Variants in ZFAT observed in about 807,000 individuals in gnomAD.
ZFAT encodes the protein zinc finger protein ZFAT.
Under a neutral mutation model 117.7 loss-of-function variants are expected in ZFAT, and 64 were observed. That is an observed-to-expected ratio of 0.54 (90% CI 0.44 to 0.67). ZFAT has a LOEUF of 0.67. Among genes scored for constraint, ZFAT ranks in the 30% least tolerant of loss-of-function variants. ZFAT has a pLI of 0.00. For missense variants in ZFAT, 1,433 were observed against 1,584.5 expected, an observed-to-expected ratio of 0.90 and a Z score of 1.62; for synonymous variants, 679 against 615.0, an observed-to-expected ratio of 1.10 and a Z score of -1.54.
intron 1 of ZFAT, among the ~76,000 whole-genome samples, chr8:134,705,088 T>G (rs13279958): frequency 0.33 from 49,574 of 152,010 alleles, 8,704 homozygotes; most frequent in South Asian, 0.43. Flanking sequence ...GAGAAAATAT[T>G]CACAACATAC....
chr8:134,764,685 T>C, the ZFAT span: 1 of 152,268 alleles, frequency 6.6e-6, no homozygotes, highest in South Asian at 2.1e-4. Flanking sequence ...TATTCTTGAA[T>C]AAGTCTATTG....
chr8:134,638,575 A>AAAAAAAAT (rs1830389286), intron 2 of ZFAT, among the ~76,000 whole-genome samples: 1 of 136,430 alleles, frequency 7.3e-6, no homozygotes, highest in African/African-American at 2.7e-5. Context: ...CAAAAAAAAA[A>AAAAAAAAT]AACATTAACC....
intron 1 of ZFAT, among the ~76,000 whole-genome samples, chr8:134,688,115 G>C (rs1202320177): frequency 6.6e-6 from 1 of 152,110 alleles, no homozygotes; most frequent in Non-Finnish European, 1.5e-5. Flanking sequence ...CTTGTGGTGG[G>C]GGTGTTATGT....
intron 1 of ZFAT, among the ~76,000 whole-genome samples, chr8:134,692,011 C>T (rs1228209886): frequency 2.0e-5 from 3 of 152,314 alleles, no homozygotes; most frequent in East Asian, 1.9e-4. Flanking sequence ...GCATGCACCA[C>T]CACACCTGGC....
intron 15 of ZFAT, among the ~76,000 whole-genome samples, chr8:134,503,244 A>G (rs138610413): frequency 1.3e-3 from 201 of 152,196 alleles, no homozygotes; most frequent in African/African-American, 4.6e-3. Flanking sequence ...CTCAGCTGTC[A>G]CTCTCTCAAG....
intron 12 of ZFAT, among the ~76,000 whole-genome samples, chr8:134,523,267 T>C (rs1213234662): frequency 6.6e-6 from 1 of 152,182 alleles, no homozygotes; most frequent in East Asian, 1.9e-4. Context: ...CCGTGTCGCC[T>C]AGGCTCGGTA....
chr8:134,708,291 G>A (rs755798831), intron 1 of ZFAT, among the ~76,000 whole-genome samples: 9 of 152,080 alleles, frequency 5.9e-5, no homozygotes, highest in East Asian at 1.9e-4. Flanking sequence ...CAGTAATAAC[G>A]TACATTTCAA....
chr8:134,829,323 C>A, the ZFAT span, among the ~76,000 whole-genome samples: 2 of 152,220 alleles, frequency 1.3e-5, no homozygotes, highest in African/African-American at 4.8e-5. Flanking sequence ...GACAATTCTT[C>A]TTCTTCCAAC....
chr8:134,550,309 G>GAAAAAAAAA (rs1823036538), intron 11 of ZFAT, among the ~76,000 whole-genome samples: 1 of 41,380 alleles, frequency 2.4e-5, no homozygotes, highest in Non-Finnish European at 4.3e-5. Context: ...TGGTCACAAC[G>GAAAAAAAAA]GAAAAAAAAA....
At chr8:134,753,160 C>A in the ZFAT span, among the ~76,000 whole-genome samples, 1 of 152,030 alleles carries the variant, frequency 6.6e-6, no homozygotes, top group African/African-American at 2.4e-5. Context: ...GTGATCGCAC[C>A]ACTGCACTCC....
the ZFAT span, among the ~76,000 whole-genome samples, chr8:134,805,924 C>A: frequency 6.6e-6 from 1 of 152,200 alleles, no homozygotes; most frequent in Non-Finnish European, 1.5e-5. Flanking sequence ...CTGCAGTGAG[C>A]TGAGCTCATG....
chr8:134,481,884 C>T (rs543241468), intron 15 of ZFAT, among the ~76,000 whole-genome samples: 10 of 152,276 alleles, frequency 6.6e-5, no homozygotes, highest in African/African-American at 1.9e-4. Context: ...ACATCACAGG[C>T]GAGAGAAGAG....
chr8:134,788,745 A>G, the ZFAT span, among the ~76,000 whole-genome samples: 1 of 152,050 alleles, frequency 6.6e-6, no homozygotes, highest in African/African-American at 2.4e-5. Context: ...TGTATTTCAA[A>G]TCTGTTTTCA....
intron 1 of ZFAT, among the ~76,000 whole-genome samples, chr8:134,697,871 G>A (rs371124472): frequency 2.1e-5 from 3 of 145,088 alleles, no homozygotes; most frequent in Non-Finnish European, 4.5e-5. Flanking sequence ...GTGAGCCACC[G>A]CACCCAGCCA....
the ZFAT span, among the ~76,000 whole-genome samples, chr8:134,751,808 C>A: frequency 3.3e-5 from 5 of 152,156 alleles, no homozygotes; most frequent in Non-Finnish European, 5.9e-5. Context: ...AGAGAAGTAG[C>A]ATGAGTTTGG....
the ZFAT span, chr8:134,804,997 G>GTCA: frequency 4.1e-5 from 21 of 509,580 alleles, no homozygotes; most frequent in South Asian, 3.1e-4. Flanking sequence ...AATGTTGCCA[G>GTCA]TCATCATCTT....
intron 15 of ZFAT, among the ~76,000 whole-genome samples, chr8:134,504,373 T>C (rs1219465841): frequency 6.6e-6 from 1 of 152,126 alleles, no homozygotes; most frequent in Non-Finnish European, 1.5e-5. Context: ...TGTTCAATCA[T>C]CCTGACCTTC....
intron 1 of ZFAT, among the ~76,000 whole-genome samples, chr8:134,683,107 C>G (rs1398467885): frequency 6.6e-6 from 1 of 152,192 alleles, no homozygotes; most frequent in East Asian, 1.9e-4. Flanking sequence ...GTAGAAAACT[C>G]ATAATAAACA....
At chr8:134,505,644 C>T (rs375931136) in intron 15 of ZFAT, among the ~76,000 whole-genome samples, 1 of 152,196 alleles carries the variant, frequency 6.6e-6, no homozygotes, top group East Asian at 1.9e-4. Context: ...GGATGTCAGA[C>T]CTTAGCCTGC....
Sources: gnomAD v4.1 joint callset for allele counts (sites outside exome capture counted in the v4.1 genomes callset) on GRCh38, gnomAD v4.1.1 for gene constraint, MANE v1.5 for transcripts, NCBI Gene and HGNC (gene_info 2026-07-23, HGNC 2026-07-21) for gene names.